The following LEF1 variants were observed in gnomAD, a reference collection of about 807,000 sequenced individuals.
LEF1 encodes the protein lymphoid enhancer binding factor 1, also known as lymphoid enhancer-binding factor 1.
In LEF1, 14 loss-of-function variants were observed where a neutral mutation model predicts 51.2. The ratio of observed to expected loss-of-function variants is 0.27; its 90% confidence interval spans 0.18 to 0.43. The LOEUF (loss-of-function observed/expected upper bound fraction) is 0.43. LEF1 is among the 20% of genes least tolerant of loss of function. The pLI is 1.00. For synonymous variants in LEF1, 185 were observed against 183.2 expected, an observed-to-expected ratio of 1.01 and a Z score of -0.08; for missense variants, 386 against 512.0, an observed-to-expected ratio of 0.75 and a Z score of 2.37.
chr4:108,085,957 G>A (rs1319863760), intron 4 of LEF1, among the ~76,000 whole-genome samples: 1 of 152,192 alleles, frequency 6.6e-6, no homozygotes, highest in Non-Finnish European at 1.5e-5. Flanking sequence ...TTCTGCAGAG[G>A]AGCCTCTTAG....
intron 3 of LEF1, among the ~76,000 whole-genome samples, chr4:108,108,005 A>AAGGGACAGGTCTCCTGGGC (rs1299412421): frequency 1.3e-5 from 2 of 152,298 alleles, no homozygotes; most frequent in African/African-American, 4.8e-5. Flanking sequence ...GCGGGCTAGA[A>AAGGGACAGGTCTCCTGGGC]AGGGACAGGT....
At chr4:108,088,998 C>T in intron 4 of LEF1, 127 bp downstream of exon 4, 1 of 1,027,198 alleles carries the variant, frequency 9.7e-7, no homozygotes, top group East Asian at 2.4e-5. Flanking sequence ...TTACTCTTGT[C>T]TTGTAAAAAC....
chr4:108,058,652 A>C (rs531318177), intron 11 of LEF1, among the ~76,000 whole-genome samples: 1 of 152,246 alleles, frequency 6.6e-6, no homozygotes, highest in South Asian at 2.1e-4. Flanking sequence ...TATACTTCTT[A>C]TTCTCTTTAT....
chr4:108,165,465 A>G (rs1745326590), intron 1 of LEF1, among the ~76,000 whole-genome samples: 3 of 152,250 alleles, frequency 2.0e-5, no homozygotes, highest in African/African-American at 7.2e-5. Flanking sequence ...TTATTAAACC[A>G]TATCAAGGCT....
intron 3 of LEF1, among the ~76,000 whole-genome samples, chr4:108,151,509 T>C (rs1183822358): frequency 6.6e-6 from 1 of 152,200 alleles, no homozygotes; most frequent in African/African-American, 2.4e-5. Flanking sequence ...TACCACTACT[T>C]ACCAGTTGTG....
intron 11 of LEF1, among the ~76,000 whole-genome samples, chr4:108,051,436 T>C (rs151246239): frequency 9.0e-4 from 137 of 152,308 alleles, no homozygotes; most frequent in African/African-American, 3.2e-3. Context: ...CAGATTATTT[T>C]CAAGAAACCA....
chr4:108,068,215 C>T (rs1333150195), intron 9 of LEF1, among the ~76,000 whole-genome samples: 1 of 151,916 alleles, frequency 6.6e-6, no homozygotes, highest in Non-Finnish European at 1.5e-5. Context: ...TGTGGTGAGC[C>T]GAGATCATGC....
At chr4:108,147,006 G>A (rs1744035125) in intron 3 of LEF1, among the ~76,000 whole-genome samples, 1 of 152,086 alleles carries the variant, frequency 6.6e-6, no homozygotes. Context: ...GGGGTGCGGT[G>A]GCTCATACCT....
intron 8 of LEF1, among the ~76,000 whole-genome samples, chr4:108,073,787 T>C (rs1249013948): frequency 6.6e-6 from 1 of 151,478 alleles, no homozygotes; most frequent in African/African-American, 2.4e-5. Context: ...ACTAAACTAT[T>C]TATTTACATG....
chr4:108,153,411 T>C (rs1445260061), intron 3 of LEF1, among the ~76,000 whole-genome samples: 2 of 152,224 alleles, frequency 1.3e-5, no homozygotes, highest in Non-Finnish European at 2.9e-5. Flanking sequence ...GGTATTATAC[T>C]GCCTGATACT....
At position 108,120,739 on chromosome 4, in the gene LEF1, A is replaced by C. The variant is rs72660427; in HGVS notation, c.415-31482T>G. On this transcript the variant is annotated intron_variant, in intron 3 of 11. Coordinates refer to ENST00000265165, the MANE Select transcript of LEF1 (RefSeq NM_016269.5). ...GATTTTCCCAATGTTTACCTGTTTC[A>C]TTATATAATACCACAATCACATTTG... 6.8e-3 allele frequency among the ~76,000 whole-genome samples: 1,039 copies of C among 152,342 alleles called. 6 individuals carry two copies. The highest frequency in any genetic ancestry group is 0.011 in the Non-Finnish European group (723 of 68,024).
At chr4:108,079,341 T>C (rs1490141318) in intron 7 of LEF1, 151 bp downstream of exon 7, 12 of 836,108 alleles carry the variant, frequency 1.4e-5, no homozygotes, top group Middle Eastern at 3.3e-4. Context: ...TGAAGCTGCT[T>C]AATGTCCTCA....
In LEF1 at chr4:108,165,093, T is replaced by C. The variant is rs1390053955; in HGVS notation, c.280+4A>G. The stretch of plus-strand genomic sequence containing the variant: ...AGTCAGAAGAAGTAGAATGGGTGTC[T>C]TACCGTCATCGGGGTGTTCTCTGGC... On this transcript the variant is annotated splice_donor_region_variant and intron_variant, in intron 2 of 11. Transcript: ENST00000265165. The C allele has an allele frequency of 5.0e-6, 8 of 1,613,760 alleles. No homozygotes were observed. Among genetic ancestry groups the C allele is most frequent in the Non-Finnish European group, 6.8e-6 (8 of 1,179,760 alleles).
chr4:108,059,263 G>T (rs17038518), intron 11 of LEF1, among the ~76,000 whole-genome samples: 1 of 152,154 alleles, frequency 6.6e-6, no homozygotes, highest in Non-Finnish European at 1.5e-5. Flanking sequence ...CGGCCACTGC[G>T]CTGGCGCTGC....
intron 1 of LEF1, chr4:108,166,167 G>T: frequency 8.6e-7 from 1 of 1,169,570 alleles, no homozygotes; most frequent in Non-Finnish European, 1.2e-6. Flanking sequence ...GGGGTTAGGT[G>T]CACCCTACCC....
Position 108,167,500 on chromosome 4 carries a change from T to G in LEF1, c.213+55A>C. On this transcript the variant is annotated intron_variant, in intron 1 of 11. Transcript: ENST00000265165. The surrounding 1 kb of genome is among the most constrained non-coding windows in gnomAD (Gnocchi z 5.7). ...CGCCTTCGTTCCCTTCCTCCCTCTC[T>G]GAGTTTCCCAGGGACCCGCCACGCC... 1.9e-6 allele frequency: 3 copies of G among 1,581,978 alleles called. No individual in the cohort carries two copies. The highest frequency in any genetic ancestry group is 2.6e-6 in the Non-Finnish European group (3 of 1,156,062).
intron 3 of LEF1, among the ~76,000 whole-genome samples, chr4:108,156,996 C>T (rs2110408236): frequency 6.6e-6 from 1 of 151,936 alleles, no homozygotes; most frequent in South Asian, 2.1e-4. Flanking sequence ...TAAACTTATA[C>T]AAATAAAAGA....
At chr4:108,152,377 T>C (rs953842125) in intron 3 of LEF1, among the ~76,000 whole-genome samples, 1 of 151,878 alleles carries the variant, frequency 6.6e-6, no homozygotes, top group Non-Finnish European at 1.5e-5. Flanking sequence ...GGTTCCAGGG[T>C]GTGGAAAGCT....
rs148901902 is a variant in LEF1, at chr4:108,133,587, G to A, written c.414+29981C>T. On this transcript the variant is annotated intron_variant, in intron 3 of 11. Coordinates refer to ENST00000265165, the MANE Select transcript of LEF1 (RefSeq NM_016269.5). ...TTCTTTAAGGAAATGGGGTCTTGCT[G>A]TGTTGTCCAAACTGGACTCGAACTC... Among the ~76,000 whole-genome samples the A allele has an allele frequency of 5.1e-3, 783 of 152,282 alleles. 7 individuals are homozygous for A. The highest frequency in any genetic ancestry group is 0.017 in the African/African-American group (715 of 41,556).
Sources: allele counts gnomAD v4.1 joint callset (sites outside exome capture counted in the v4.1 genomes callset), GRCh38; gene constraint gnomAD v4.1.1; non-coding constraint Gnocchi (gnomAD v3.1); transcripts MANE v1.5; gene names NCBI Gene and HGNC (gene_info 2026-07-23, HGNC 2026-07-21).